MCPH1: variants seen among roughly 807,000 people sequenced by gnomAD.
The protein encoded by MCPH1 is microcephalin 1.
In MCPH1, 104 loss-of-function variants were observed where a neutral mutation model predicts 84.5. The ratio of observed to expected loss-of-function variants is 1.23; its 90% CI spans 1.05 to 1.45. The LOEUF is 1.45. Ranked by LOEUF, MCPH1 falls within the 40% of genes most tolerant of loss-of-function variation. The pLI is 0.00. For missense variants in MCPH1, 1,498 were observed against 1,005.7 expected (o/e 1.49, Z -6.62); for synonymous variants, 514 against 366.8 (o/e 1.40, Z -4.58).
chr8:6,470,930 G>C (rs773532463), intron 9 of MCPH1, among the ~76,000 whole-genome samples: 14 of 152,230 alleles, frequency 9.2e-5, no homozygotes, highest in Non-Finnish European at 1.6e-4. Flanking sequence ...TTAGCAATTA[G>C]GAAAGTCCTT....
intron 2 of MCPH1, among the ~76,000 whole-genome samples, chr8:6,410,845 A>G (rs1798437378): frequency 6.6e-6 from 1 of 152,106 alleles, no homozygotes; most frequent in Non-Finnish European, 1.5e-5. Flanking sequence ...AACAGGCATT[A>G]TTAGGAGGCC....
chr8:6,446,744 G>C, intron 8 of MCPH1: 1 of 985,306 alleles, frequency 1.0e-6, no homozygotes. Flanking sequence ...TTAAGCTTTT[G>C]AATAATAATG....
chr8:6,457,666 C>T (rs1805847395), intron 9 of MCPH1, among the ~76,000 whole-genome samples: 1 of 152,128 alleles, frequency 6.6e-6, no homozygotes, highest in South Asian at 2.1e-4. Flanking sequence ...GCCAGCAGCT[C>T]CCGACCCCAG....
intron 13 of MCPH1, among the ~76,000 whole-genome samples, chr8:6,623,911 G>A (rs1022029387): frequency 3.9e-5 from 6 of 152,166 alleles, no homozygotes; most frequent in African/African-American, 7.2e-5. Context: ...GCCAGCTGAC[G>A]GAACTGTGCA....
At chr8:6,488,121 A>G (rs1810148616) in intron 11 of MCPH1, among the ~76,000 whole-genome samples, 4 of 152,246 alleles carry the variant, frequency 2.6e-5, no homozygotes, top group Admixed American at 2.0e-4. Context: ...GCAGTGCCAG[A>G]GCTCATTCTC....
intron 12 of MCPH1, among the ~76,000 whole-genome samples, chr8:6,615,302 C>T (rs1314348136): frequency 6.6e-6 from 1 of 152,234 alleles, no homozygotes; most frequent in African/African-American, 2.4e-5. Context: ...CAGGCTCCCA[C>T]TTTCCTGCCC....
At chr8:6,477,943 C>T (rs1808700434) in intron 10 of MCPH1, among the ~76,000 whole-genome samples, 1 of 152,118 alleles carries the variant, frequency 6.6e-6, no homozygotes, top group African/African-American at 2.4e-5. Flanking sequence ...AAAACATTTC[C>T]CTTAAAGGTC....
intron 11 of MCPH1, among the ~76,000 whole-genome samples, chr8:6,490,514 G>A (rs953880010): frequency 1.3e-5 from 2 of 152,040 alleles, no homozygotes; most frequent in Admixed American, 6.6e-5. Flanking sequence ...CTGTGAATTC[G>A]GTTTTAGGGA....
intron 12 of MCPH1, among the ~76,000 whole-genome samples, chr8:6,537,062 C>G (rs1197338653): frequency 2.0e-5 from 3 of 151,992 alleles, no homozygotes; most frequent in Non-Finnish European, 2.9e-5. Context: ...TGTTTCCCAT[C>G]CCTGTCATCT....
intron 11 of MCPH1, among the ~76,000 whole-genome samples, chr8:6,497,125 A>T (rs889956406): frequency 5.9e-5 from 9 of 152,292 alleles, no homozygotes; most frequent in Admixed American, 6.5e-5. Flanking sequence ...TGCAACATTT[A>T]CCGATATTTA....
chr8:6,621,123 G>T (rs766820502), intron 12 of MCPH1: 4 of 379,446 alleles, frequency 1.1e-5, no homozygotes, highest in African/African-American at 2.1e-5. Context: ...TTACTTTAGT[G>T]AGAGTTCAGC....
chr8:6,532,576 A>T, intron 12 of MCPH1: 4 of 542,504 alleles, frequency 7.4e-6, no homozygotes, highest in Non-Finnish European at 1.0e-5. Flanking sequence ...CCTATCTTTA[A>T]AAAAAAAAAA....
At chr8:6,408,985 A>G (rs534852680) in intron 1 of MCPH1, among the ~76,000 whole-genome samples, 2 of 151,832 alleles carry the variant, frequency 1.3e-5, no homozygotes, top group African/African-American at 4.8e-5. Flanking sequence ...TCCCGGGTTC[A>G]AGTGATTCTC....
At chr8:6,447,629 C>T (rs181063639) in intron 8 of MCPH1, among the ~76,000 whole-genome samples, 52 of 152,332 alleles carry the variant, frequency 3.4e-4, no homozygotes, top group Admixed American at 6.5e-4. Flanking sequence ...CAGCTCACTG[C>T]AACCTCCGCC....
Position 6,445,066 on chromosome 8 carries a change from T to C in MCPH1, c.1344T>C (p.Ser448=), listed in dbSNP as rs201825242. ...SPAQLSCRSL[S]KKERTSIFEM... ...CTCAGTTGAGCTGCAGAAGTCTTTC[T>C]AAGAAGGAGAGAACAAGCATATTTG... Residue 448 remains serine, a synonymous_variant, in exon 8 of 14, where the codon TCT becomes TCC. Coordinates refer to ENST00000344683, the MANE Select transcript of MCPH1 (RefSeq NM_024596.5). The C allele has an allele frequency of 1.2e-6, 2 of 1,614,240 alleles. No homozygotes were observed. The highest frequency in any genetic ancestry group is 4.5e-5 in the East Asian group (2 of 44,890).
At chr8:6,529,810 C>T (rs78615484) in intron 12 of MCPH1, among the ~76,000 whole-genome samples, 1 of 151,592 alleles carries the variant, frequency 6.6e-6, no homozygotes. Context: ...CATGGAAAAA[C>T]TGCTTACTTT....
In MCPH1 at chr8:6,595,919, G is replaced by A. The variant is rs114216445; in HGVS notation, c.2215-25535G>A. ...CCATTTGTTTTCAGTTTACAAAAAG[G>A]GAAGACGATTAATCCCCAAAAAGGA... On this transcript the variant is annotated intron_variant, in intron 12 of 13. Coordinates refer to ENST00000344683, the MANE Select transcript of MCPH1 (RefSeq NM_024596.5). Among the ~76,000 whole-genome samples the A allele has an allele frequency of 5.7e-3, 870 of 152,298 alleles. 9 individuals are homozygous for A. The highest frequency in any genetic ancestry group is 0.02 in the African/African-American group (817 of 41,564).
intron 6 of MCPH1, among the ~76,000 whole-genome samples, chr8:6,441,811 A>C (rs1469146010): frequency 6.6e-6 from 1 of 152,210 alleles, no homozygotes. Flanking sequence ...CTAGTTTTAG[A>C]GGTAACTATG....
chr8:6,605,608 A>C (rs537650746), intron 12 of MCPH1, among the ~76,000 whole-genome samples: 5 of 152,366 alleles, frequency 3.3e-5, no homozygotes, highest in African/African-American at 1.2e-4. Flanking sequence ...GCAGGGATGA[A>C]GTCAGTGGCT....
Sources: allele counts gnomAD v4.1 joint callset (sites outside exome capture counted in the v4.1 genomes callset), GRCh38; gene constraint gnomAD v4.1.1; transcripts MANE v1.5; gene names NCBI Gene and HGNC (gene_info 2026-07-23, HGNC 2026-07-21).